The following COMMD10 variants were observed in gnomAD, a reference collection of about 807,000 sequenced individuals.
The protein encoded by COMMD10 is COMM domain containing 10, also known as COMM domain-containing protein 10.
COMMD10 carries 33 observed loss-of-function variants against 28.9 expected under a neutral mutation model. The ratio of observed to expected loss-of-function variants is 1.14; its 90% CI spans 0.87 to 1.53. The LOEUF (loss-of-function observed/expected upper bound fraction) is 1.53. Among genes scored for constraint, COMMD10 ranks in the 40% most tolerant of loss-of-function variants. The pLI is 0.00. For synonymous variants in COMMD10, 110 were observed against 81.7 expected, an observed-to-expected ratio of 1.35 and a Z score of -1.87; for missense variants, 310 against 233.4, an observed-to-expected ratio of 1.33 and a Z score of -2.14.
intron 5 of COMMD10, among the ~76,000 whole-genome samples, chr5:116,233,352 A>T (rs1240347434): frequency 6.6e-6 from 1 of 152,102 alleles, no homozygotes; most frequent in Non-Finnish European, 1.5e-5. Context: ...ATAGGAAAAA[A>T]CATAGTATAT....
chr5:116,222,881 C>T (rs111231450), intron 5 of COMMD10, among the ~76,000 whole-genome samples: 15,991 of 151,888 alleles, frequency 0.11, 898 homozygotes, highest in East Asian at 0.13. Context: ...TTGGTAGGGA[C>T]AGGGTTTCAC....
chr5:116,202,920 G>A (rs1479333219), intron 5 of COMMD10, among the ~76,000 whole-genome samples: 4 of 152,044 alleles, frequency 2.6e-5, no homozygotes, highest in African/African-American at 9.7e-5. Context: ...TTTGGCTTTT[G>A]TTGCCATTGC....
At chr5:116,227,460 A>G (rs1004566387) in intron 5 of COMMD10, among the ~76,000 whole-genome samples, 2 of 151,964 alleles carry the variant, frequency 1.3e-5, no homozygotes, top group African/African-American at 4.8e-5. Flanking sequence ...TACATCTTTA[A>G]TATGACCTGA....
chr5:116,243,570 T>C (rs531054564), intron 5 of COMMD10, among the ~76,000 whole-genome samples: 36 of 152,236 alleles, frequency 2.4e-4, no homozygotes, highest in African/African-American at 8.7e-4. Context: ...CAGCCAAAAA[T>C]AAACTAGCTC....
chr5:116,276,417 A>G lies in COMMD10; in HGVS notation c.511-15100A>G, dbSNP rs772560380. Among the ~76,000 whole-genome samples the G allele has an allele frequency of 9.5e-4, 144 of 151,602 alleles. 1 individual carries two copies. Among genetic ancestry groups the G allele is most frequent in the Non-Finnish European group, 1.4e-3 (98 of 67,944 alleles). On this transcript the variant is annotated intron_variant, in intron 5 of 6. Coordinates refer to ENST00000274458, the MANE Select transcript of COMMD10 (RefSeq NM_016144.4). ...ACACCTGGCTAATTTTTGTATTTTT[A>G]GTAGAGACAGGGTTTTACCATTTTG...
intron 5 of COMMD10, among the ~76,000 whole-genome samples, chr5:116,209,028 T>A (rs540360579): frequency 6.6e-6 from 1 of 152,270 alleles, no homozygotes; most frequent in East Asian, 1.9e-4. Flanking sequence ...TTTTCTTTGT[T>A]CTTGGTGTAC....
chr5:116,124,608 A>C (rs1751556004), intron 4 of COMMD10, among the ~76,000 whole-genome samples: 1 of 152,144 alleles, frequency 6.6e-6, no homozygotes. Flanking sequence ...AGCTGAGTTG[A>C]AGTCCTGGAT....
intron 5 of COMMD10, among the ~76,000 whole-genome samples, chr5:116,276,943 T>C (rs2112703746): frequency 6.6e-6 from 1 of 151,954 alleles, no homozygotes; most frequent in African/African-American, 2.4e-5. Flanking sequence ...GAAAATGTTC[T>C]AAAATTAATT....
At chr5:116,228,567 T>G (rs1749452753) in intron 5 of COMMD10, among the ~76,000 whole-genome samples, 1 of 152,006 alleles carries the variant, frequency 6.6e-6, no homozygotes, top group Non-Finnish European at 1.5e-5. Context: ...AATAGACCGC[T>G]GCTTTTCTTT....
chr5:116,156,266 C>G (rs1487531764), intron 5 of COMMD10, among the ~76,000 whole-genome samples: 1 of 152,154 alleles, frequency 6.6e-6, no homozygotes, highest in African/African-American at 2.4e-5. Flanking sequence ...TGTTATCACA[C>G]TGTCTTGACA....
intron 5 of COMMD10, among the ~76,000 whole-genome samples, chr5:116,227,073 T>C (rs1449746743): frequency 6.6e-6 from 1 of 151,938 alleles, no homozygotes; most frequent in Non-Finnish European, 1.5e-5. Flanking sequence ...TGTTACAGAG[T>C]GGTAAGCAGG....
intron 4 of COMMD10, among the ~76,000 whole-genome samples, chr5:116,130,864 A>T (rs1751841054): frequency 6.6e-6 from 1 of 152,022 alleles, no homozygotes. Flanking sequence ...AAATGAACAT[A>T]ATAAGTATAA....
intron 5 of COMMD10, among the ~76,000 whole-genome samples, chr5:116,209,078 A>G (rs915121629): frequency 3.3e-5 from 5 of 151,722 alleles, no homozygotes; most frequent in Non-Finnish European, 5.9e-5. Context: ...ACTTTTTCCA[A>G]GTCTTACCCT....
intron 5 of COMMD10, among the ~76,000 whole-genome samples, chr5:116,159,118 A>T (rs1752835530): frequency 6.6e-6 from 1 of 152,202 alleles, no homozygotes; most frequent in South Asian, 2.1e-4. Flanking sequence ...CATACTTTTA[A>T]AATATAATTC....
At chr5:116,134,868 C>G (rs993513667) in intron 5 of COMMD10, among the ~76,000 whole-genome samples, 1 of 151,940 alleles carries the variant, frequency 6.6e-6, no homozygotes, top group Non-Finnish European at 1.5e-5. Context: ...TGATCCACCC[C>G]CCTCAGCCTC....
At chr5:116,261,466 TCTC>T (rs1248066426) in intron 5 of COMMD10, among the ~76,000 whole-genome samples, 5 of 151,732 alleles carry the variant, frequency 3.3e-5, no homozygotes, top group Non-Finnish European at 7.4e-5. Flanking sequence ...TGTGTATTCT[TCTC>T]ATAACTTAGT....
At chr5:116,171,132 T>G (rs1362188821) in intron 5 of COMMD10, among the ~76,000 whole-genome samples, 1 of 132,030 alleles carries the variant, frequency 7.6e-6, no homozygotes, top group Admixed American at 7.1e-5. Context: ...TTAAATAAAT[T>G]TACATGAAGA....
chr5:116,160,130 C>T (rs1189722435), intron 5 of COMMD10, among the ~76,000 whole-genome samples: 1 of 152,086 alleles, frequency 6.6e-6, no homozygotes, highest in African/African-American at 2.4e-5. Context: ...CCATTTGCCT[C>T]CTTTACTAGA....
chr5:116,265,931 A>G (rs1451493985), intron 5 of COMMD10, among the ~76,000 whole-genome samples: 1 of 151,816 alleles, frequency 6.6e-6, no homozygotes, highest in South Asian at 2.1e-4. Flanking sequence ...GTGGTAATAC[A>G]TATTCAGAGA....
Sources: gnomAD v4.1 joint callset for allele counts (sites outside exome capture counted in the v4.1 genomes callset) on GRCh38, gnomAD v4.1.1 for gene constraint, MANE v1.5 for transcripts, NCBI Gene and HGNC (gene_info 2026-07-23, HGNC 2026-07-21) for gene names.